The following E2F7 variants were observed in gnomAD, a reference collection of about 807,000 sequenced individuals.
E2F7 encodes the protein transcription factor E2F7.
In E2F7, 35 loss-of-function variants were observed where a neutral mutation model predicts 81.1. The observed-to-expected ratio is 0.43, with a 90% CI of 0.33 to 0.57. The LOEUF (loss-of-function observed/expected upper bound fraction) is 0.57, where lower values mean the gene tolerates loss of function less well. E2F7 is among the 20% of genes least tolerant of loss of function. The probability of loss-of-function intolerance (pLI) is 0.04; values close to 1 mark genes in which losing one functional copy is unlikely to be tolerated. For synonymous variants in E2F7, 416 were observed against 416.2 expected (o/e 1.00, Z 0.01); for missense variants, 961 against 1,093.7 (o/e 0.88, Z 1.71).
chr12:77,042,409 T>A (rs1954901258), intron 7 of E2F7, among the ~76,000 whole-genome samples: 1 of 152,202 alleles, frequency 6.6e-6, no homozygotes, highest in Non-Finnish European at 1.5e-5. Flanking sequence ...TAAAAATGAC[T>A]TTAATGGCTT....
chr12:77,062,454 C>G (rs570320186), intron 2 of E2F7, among the ~76,000 whole-genome samples: 190 of 152,302 alleles, frequency 1.2e-3, no homozygotes, highest in African/African-American at 4.4e-3. Context: ...ATGAAAAAGA[C>G]AGACAGAAGC....
chr12:77,044,910 TC>T, intron 5 of E2F7, 115 bp from the exon 6 acceptor site: 1 of 1,225,958 alleles, frequency 8.2e-7, no homozygotes, highest in Non-Finnish European at 1.1e-6. Context: ...ATCACCCTTG[TC>T]ATTGGCAGAA....
rs781370774 is a variant in E2F7, at chr12:77,044,802, A to G, written c.830-7T>C. On this transcript the variant is annotated splice_region_variant and splice_polypyrimidine_tract_variant and intron_variant, in intron 5 of 12. Transcript: ENST00000322886. ...TTTCTACTGTTTGCAGATGCTACAC[A>G]AGGAATGAAACAAAAGCATCAAAGT... 2.5e-6 allele frequency: 4 copies of G among 1,612,444 alleles called. No individual in the cohort carries two copies. In the Admixed American group the frequency reaches 6.7e-5, roughly 27 times the overall value.
intron 4 of E2F7, 42 bp downstream of exon 4, chr12:77,050,534 T>A: frequency 6.2e-7 from 1 of 1,600,056 alleles, no homozygotes; most frequent in Non-Finnish European, 8.5e-7. Flanking sequence ...AGTTTCCCAC[T>A]GTAACTGGAG....
At chr12:77,035,858 G>C (rs1360928401) in intron 7 of E2F7, among the ~76,000 whole-genome samples, 2 of 151,834 alleles carry the variant, frequency 1.3e-5, no homozygotes, top group East Asian at 3.9e-4. Context: ...TTAAGTCTTA[G>C]AGACATCAAA....
At chr12:77,052,907 G>A (rs538868514) in intron 3 of E2F7, among the ~76,000 whole-genome samples, 19 of 152,094 alleles carry the variant, frequency 1.2e-4, no homozygotes, top group African/African-American at 3.4e-4. Flanking sequence ...GTAAACATGT[G>A]GAAAGAAGCT....
In E2F7 at chr12:77,043,859, G is replaced by A. The variant is rs543859047; in HGVS notation, c.989-660C>T. Among the ~76,000 whole-genome samples the A allele has an allele frequency of 2.6e-5, 4 of 152,284 alleles. No homozygotes were observed. In the South Asian group the frequency reaches 8.3e-4, roughly 32 times the overall value. ...GGGTGGTAGCACATGAGACAGGCACGATAATGACCACAAAGTATTTTCTAT... is the reference window on the plus strand; with the variant it reads ...GGGTGGTAGCACATGAGACAGGCACAATAATGACCACAAAGTATTTTCTAT... On this transcript the variant is annotated intron_variant, in intron 6 of 12. Coordinates refer to ENST00000322886, the MANE Select transcript of E2F7 (RefSeq NM_203394.3).
rs535082371 is a variant in E2F7, at chr12:77,056,999, G to A, written c.94-869C>T. On this transcript the variant is annotated intron_variant, in intron 2 of 12. Transcript: ENST00000322886. ...ACTCCTGGGCACGTGCAATCTTCTC[G>A]CCTTAGCCTCCCAAGTAGCTGGGAC... Among the ~76,000 whole-genome samples the A allele has an allele frequency of 7.3e-5, 11 of 150,130 alleles. No individual in the cohort carries two copies. In the East Asian group the frequency reaches 7.9e-4, roughly 11 times the overall value.
intron 2 of E2F7, among the ~76,000 whole-genome samples, chr12:77,056,343 C>A (rs534498138): frequency 2.0e-5 from 3 of 152,308 alleles, no homozygotes; most frequent in African/African-American, 7.2e-5. Context: ...ACTCCTTTTA[C>A]ACCTATCTTT....
intron 5 of E2F7, among the ~76,000 whole-genome samples, chr12:77,045,152 T>G (rs913771678): frequency 3.9e-5 from 6 of 152,196 alleles, no homozygotes; most frequent in African/African-American, 1.4e-4. Flanking sequence ...AATACAGAAT[T>G]GTTTTCAGAG....
At chr12:77,030,622 A>AT (rs1954798923) in intron 9 of E2F7, among the ~76,000 whole-genome samples, 1 of 152,188 alleles carries the variant, frequency 6.6e-6, no homozygotes, top group Non-Finnish European at 1.5e-5. Flanking sequence ...ATAGTTATCA[A>AT]TTATCAAGCA....
chr12:77,055,464 A>G (rs1211413239), intron 3 of E2F7, among the ~76,000 whole-genome samples: 1 of 152,076 alleles, frequency 6.6e-6, no homozygotes, highest in African/African-American at 2.4e-5. Context: ...GCCCCAAACT[A>G]ACCAACTGAA....
At chr12:77,024,368 T>C (rs1363622066) in intron 12 of E2F7, among the ~76,000 whole-genome samples, 183 bp from the exon 13 acceptor site, 2 of 152,132 alleles carry the variant, frequency 1.3e-5, no homozygotes, top group African/African-American at 4.8e-5. Flanking sequence ...ATTAAATTCA[T>C]ATTTGTTGTT....
At chr12:77,055,239 A>G (rs1431120604) in intron 3 of E2F7, among the ~76,000 whole-genome samples, 5 of 152,068 alleles carry the variant, frequency 3.3e-5, no homozygotes, top group African/African-American at 1.2e-4. Context: ...CATTTTGGCA[A>G]TTTTTATAGC....
rs751332854 is a variant in E2F7, at chr12:77,023,988, C to T, written c.*27G>A. ...ATCCGGGACTCTCAGGGCGTTTGAT[C>T]CCACCCCCACCTGGCAAAGCGGCAG... On this transcript the variant is annotated 3_prime_UTR_variant, in exon 13 of 13. Coordinates refer to ENST00000322886, the MANE Select transcript of E2F7 (RefSeq NM_203394.3). 13 of 1,608,416 alleles carry T rather than the reference C, an allele frequency of 8.1e-6. No individual in the cohort carries two copies. In the East Asian group the frequency reaches 2.2e-4, roughly 28 times the overall value.
At chr12:77,044,239 T>A in intron 6 of E2F7, 1 of 456,672 alleles carries the variant, frequency 2.2e-6, no homozygotes, top group Non-Finnish European at 4.4e-6. Flanking sequence ...ATTCTTCTGG[T>A]TCTTACCTGT....
At chr12:77,041,742 TAC>T (rs748285836) in intron 7 of E2F7, among the ~76,000 whole-genome samples, 35 of 152,204 alleles carry the variant, frequency 2.3e-4, no homozygotes, top group Non-Finnish European at 4.7e-4. Context: ...TCTGAATGCC[TAC>T]AGAGCCAGTA....
At chr12:77,038,724 C>T (rs1338338126) in intron 7 of E2F7, among the ~76,000 whole-genome samples, 3 of 152,040 alleles carry the variant, frequency 2.0e-5, no homozygotes, top group Non-Finnish European at 2.9e-5. Flanking sequence ...TCAAAGTTAA[C>T]TCAAAGTTAA....
At position 77,030,236 on chromosome 12, in the gene E2F7, A is replaced by C; in HGVS notation, c.1479T>G (p.Cys493Trp). The C allele has an allele frequency of 6.2e-7, 1 of 1,613,814 alleles. No individual in the cohort carries two copies. The highest frequency in any genetic ancestry group is 1.3e-5 in the African/African-American group (1 of 75,044). The change falls in exon 10 of 13, where the codon TGT becomes TGG. Residue 493 changes from cysteine to tryptophan, a missense_variant. By Grantham distance (215) the Cys-to-Trp change is radical. Coordinates refer to ENST00000322886, the MANE Select transcript of E2F7 (RefSeq NM_203394.3). The stretch of plus-strand genomic sequence containing the variant: ...ATACTGGGTGGGCTAAAGGATTAAC[A>C]CAATATTCTGGGTCAACAGAGAGGA... ...FPVLSVDPEY[C>W]VNPLAHPVFS...
Sources: gnomAD v4.1 joint callset for allele counts (sites outside exome capture counted in the v4.1 genomes callset) on GRCh38, gnomAD v4.1.1 for gene constraint, MANE v1.5 for transcripts, NCBI Gene and HGNC (gene_info 2026-07-23, HGNC 2026-07-21) for gene names.